RO60: variants seen among roughly 807,000 people sequenced by gnomAD.
RO60 encodes RNA-binding protein RO60.
In RO60, 20 loss-of-function variants were observed where a neutral mutation model predicts 55.3. The ratio of observed to expected loss-of-function variants is 0.36; its 90% CI spans 0.25 to 0.53. RO60 has a LOEUF of 0.53. Among genes scored for constraint, RO60 ranks in the 20% least tolerant of loss-of-function variants. The pLI is 0.92. For synonymous variants in RO60, 213 were observed against 213.6 expected (o/e 1.00, Z 0.02); for missense variants, 558 against 646.6 (o/e 0.86, Z 1.49).
chr1:193,075,911 A>G lies in RO60; in HGVS notation c.672A>G (p.Lys224=), dbSNP rs1374755855. Residue 224 remains lysine (K), a synonymous_variant, in exon 3 of 9, where the codon AAA becomes AAG. Transcript: ENST00000400968. ...KEKALSVETE[K]LLKYLEAVEK... The stretch of plus-strand genomic sequence containing the variant: ...AAGCACTCTCTGTGGAGACTGAAAA[A>G]TTATTAAAGTATCTGGAGGCTGTAG... 6.2e-7 allele frequency: 1 copy of G among 1,613,434 alleles called. No individual in the cohort carries two copies. Among genetic ancestry groups the G allele is most frequent in the Non-Finnish European group, 8.5e-7 (1 of 1,179,588 alleles).
At chr1:193,091,397 G>T (rs1054548161), downstream of RO60, 4 of 346,096 alleles carry the variant, frequency 1.2e-5, no homozygotes, top group Non-Finnish European at 2.1e-5. Context: ...TTAAAGTTAT[G>T]TAAAATCTGA....
In RO60 at chr1:193,085,594, T is replaced by G. The variant is rs1674592127; in HGVS notation, c.*863T>G. On this transcript the variant is annotated 3_prime_UTR_variant, in exon 9 of 9. Coordinates refer to ENST00000400968, the MANE Select transcript of RO60 (RefSeq NM_001173524.2). The stretch of plus-strand genomic sequence containing the variant: ...AATAATATAAAATGTTTCAAGCGCT[T>G]AACTCCCCCTCATTCACAAAGTATA... 1 of 984,366 alleles carries G rather than the reference T, an allele frequency of 1.0e-6. No homozygotes were observed. The highest frequency in any genetic ancestry group is 6.2e-5 in the Admixed American group (1 of 16,244). The allele number at this position is 984,366 out of a possible 1,614,324, so 61.0% of individuals were successfully genotyped here.
At chr1:193,064,201 A>G (rs902478415) in intron 1 of RO60, among the ~76,000 whole-genome samples, 5 of 152,228 alleles carry the variant, frequency 3.3e-5, no homozygotes, top group Non-Finnish European at 5.9e-5. Context: ...TCACATGGGC[A>G]TGATTGATTA....
At position 193,073,681 on chromosome 1, in the gene RO60, C is replaced by G. The variant is rs970179845; in HGVS notation, c.581-2139C>G. ...CTCTGCCTCCTCAGTTCAAGTGATT[C>G]TCCTGCCTCAGCCTCCTGAGTAGCT... On this transcript the variant is annotated intron_variant, in intron 2 of 8. Transcript: ENST00000400968. Among the ~76,000 whole-genome samples the G allele has an allele frequency of 3.3e-5, 5 of 152,196 alleles. No individual in the cohort carries two copies. The South Asian group carries it at 6.2e-4, about 19-fold the overall frequency.
chr1:193,069,589 C>A lies in RO60; in HGVS notation c.535C>A (p.His179Asn). 1 of 1,614,024 alleles carries A rather than the reference C, an allele frequency of 6.2e-7. No homozygotes were observed. The highest frequency in any genetic ancestry group is 1.3e-5 in the African/African-American group (1 of 75,010). ...TKYKQRNGWSHKDLLRLSHLK... is the reference protein window; with the variant it reads ...TKYKQRNGWSNKDLLRLSHLK... ...ATATAAACAGAGAAATGGCTGGTCT[C>A]ACAAAGATCTATTAAGATTGTCACA... Residue 179 changes from histidine (H) to asparagine (N), a missense_variant, in exon 2 of 9, where the codon CAC (histidine) becomes AAC (asparagine). His to Asn is a moderately conservative substitution (Grantham distance 68, BLOSUM62 1). Transcript: ENST00000400968.
rs1055010419 is a variant in RO60, at chr1:193,090,391, T to G, written c.*5660T>G. On this transcript the variant is annotated 3_prime_UTR_variant, in exon 9 of 9. Transcript: ENST00000400968. ...CCAAATTAGATTTAAAATATACAAT[T>G]AATGAATAGTACTCAAAGTGTTTTT... The G allele has an allele frequency of 1.4e-4, 21 of 151,844 alleles. No homozygotes were observed. The highest frequency in any genetic ancestry group is 5.3e-4 in the Admixed American group (8 of 15,190). 9.4% of individuals were successfully genotyped at this position (151,844 alleles called of 1,614,324 possible). A position where few individuals can be genotyped will look rare whatever the true frequency, so the allele number is the denominator to read the frequency against.
intron 1 of RO60, chr1:193,060,196 A>T: frequency 1.0e-6 from 1 of 974,138 alleles, no homozygotes; most frequent in Non-Finnish European, 1.3e-6. Context: ...AATTTATCAC[A>T]GAGGAATAAC....
rs775236248 is a variant in RO60 at position 193,076,554 on chromosome 1, A to G, written c.855A>G (p.Leu285=). 8.7e-6 allele frequency: 14 copies of G among 1,612,692 alleles called. No individual in the cohort carries two copies. Among genetic ancestry groups the G allele is most frequent in the African/African-American group, 1.3e-5 (1 of 74,868 alleles). The change falls in exon 4 of 9, where the codon CTA becomes CTG. Residue 285 remains leucine (L), a synonymous_variant. Transcript: ENST00000400968. Reference sequence around the variant, plus strand: ...CGCTTACTGCATTACTAAGGAATCTAGGAAAGATGACTGCTAATTCAGTAC... The same window carrying G: ...CGCTTACTGCATTACTAAGGAATCTGGGAAAGATGACTGCTAATTCAGTAC... The part of the protein sequence containing the change: ...EMPLTALLRN[L]GKMTANSVLE...
Position 193,086,129 on chromosome 1 carries a change from C to A in RO60, c.*1398C>A. ...TCTCGCTGTTATGTGAAAAGTCAAA[C>A]TGTAGTTAATGTAAATTATAGCCTT... is the stretch of plus-strand genomic sequence containing the variant. On this transcript the variant is annotated 3_prime_UTR_variant, in exon 9 of 9. Coordinates refer to ENST00000400968, the MANE Select transcript of RO60 (RefSeq NM_001173524.2). 1.3e-6 allele frequency: 1 copy of A among 759,494 alleles called. No individual in the cohort carries two copies. The highest frequency in any genetic ancestry group is 1.6e-6 in the Non-Finnish European group (1 of 624,330). 47.0% of individuals were successfully genotyped at this position (759,494 alleles called of 1,614,324 possible).
rs527734548 is a variant in RO60 at position 193,089,954 on chromosome 1, C to T, written c.*5223C>T. On this transcript the variant is annotated 3_prime_UTR_variant, in exon 9 of 9. Coordinates refer to ENST00000400968, the MANE Select transcript of RO60 (RefSeq NM_001173524.2). ...CCAAGTAGCTGGGATTACAGGCACGCGCCACCACGCCCACCTAATTTTTGT... is the reference window on the plus strand; with the variant it reads ...CCAAGTAGCTGGGATTACAGGCACGTGCCACCACGCCCACCTAATTTTTGT... 105 of 152,124 alleles carry T rather than the reference C, an allele frequency of 6.9e-4. No homozygotes were observed. The highest frequency in any genetic ancestry group is 1.1e-3 in the Non-Finnish European group (72 of 68,046). The allele number at this position is 152,124 out of a possible 1,614,324, so 9.4% of individuals were successfully genotyped here. A position where few individuals can be genotyped will look rare whatever the true frequency, so the allele number is the denominator to read the frequency against.
intron 1 of RO60, among the ~76,000 whole-genome samples, chr1:193,063,156 G>A (rs531646668): frequency 2.6e-5 from 4 of 152,238 alleles, no homozygotes; most frequent in East Asian, 1.9e-4. Flanking sequence ...GTATATGAGC[G>A]TTTCATTTTC....
intron 2 of RO60, among the ~76,000 whole-genome samples, chr1:193,072,576 GT>G (rs1329272935): frequency 6.6e-6 from 1 of 151,614 alleles, no homozygotes; most frequent in Non-Finnish European, 1.5e-5. Flanking sequence ...TTTATCTGTG[GT>G]TTTTTCCTAA....
In RO60 at chr1:193,076,995, G is replaced by C. The variant is rs754341071; in HGVS notation, c.1031G>C (p.Arg344Pro). The C allele has an allele frequency of 1.2e-6, 2 of 1,612,738 alleles. No individual in the cohort carries two copies. Among genetic ancestry groups the C allele is most frequent in the African/African-American group, 2.7e-5 (2 of 74,848 alleles). Residue 344 changes from arginine to proline, a missense_variant, in exon 5 of 9, where the codon CGC (arginine) becomes CCC (proline). By Grantham distance (103) the Arg-to-Pro change is moderately radical (BLOSUM62 -2). Transcript: ENST00000400968. ...GHGLRGKLKW[R>P]PDEEILKALD... Reference sequence around the variant, plus strand: ...GGTCTCAGAGGGAAACTGAAGTGGCGCCCTGATGAAGAAATTTTGAAAGCA... The same window carrying C: ...GGTCTCAGAGGGAAACTGAAGTGGCCCCCTGATGAAGAAATTTTGAAAGCA...
At chr1:193,083,813 A>G (rs1572106647) in intron 8 of RO60, among the ~76,000 whole-genome samples, 1 of 152,100 alleles carries the variant, frequency 6.6e-6, no homozygotes, top group African/African-American at 2.4e-5. Context: ...TGGTGCTATC[A>G]TAGCTTACTG....
chr1:193,082,649 G>A lies in RO60; in HGVS notation c.1405G>A (p.Asp469Asn), dbSNP rs1674392518. The A allele has an allele frequency of 6.2e-7, 1 of 1,613,868 alleles. No homozygotes were observed. The highest frequency in any genetic ancestry group is 8.5e-7 in the Non-Finnish European group (1 of 1,179,874). Residue 469 changes from aspartate to asparagine, a missense_variant, in exon 8 of 9, where the codon GAT becomes AAT. Physicochemically the swap from Asp to Asn is conservative, Grantham distance 23. Coordinates refer to ENST00000400968, the MANE Select transcript of RO60 (RefSeq NM_001173524.2). ...TGCTGATGTCTTCATTGTATTCACT[G>A]ATAATGAGACCTTTGCTGGAGGTGT... ...TPADVFIVFTDNETFAGGVHP... is the reference protein window; with the variant it reads ...TPADVFIVFTNNETFAGGVHP...
intron 1 of RO60, among the ~76,000 whole-genome samples, chr1:193,066,608 T>C (rs1025917809): frequency 3.3e-5 from 5 of 152,224 alleles, no homozygotes; most frequent in African/African-American, 1.2e-4. Context: ...TCTTCAACTC[T>C]GTGCACCTCC....
intron 1 of RO60, among the ~76,000 whole-genome samples, chr1:193,061,695 C>T (rs1319606893): frequency 1.3e-5 from 2 of 152,186 alleles, no homozygotes; most frequent in African/African-American, 2.4e-5. Flanking sequence ...TAATATGCGG[C>T]CATGCTTGGC....
rs1346369381 is a variant in RO60 at position 193,089,294 on chromosome 1, T to C, written c.*4563T>C. ...ATAGCAGGTGTCTCAATGCTTTTTTTCCATAATTATAAAGACCATTGTCAA... is the reference window on the plus strand; with the variant it reads ...ATAGCAGGTGTCTCAATGCTTTTTTCCCATAATTATAAAGACCATTGTCAA... On this transcript the variant is annotated 3_prime_UTR_variant, in exon 9 of 9. Transcript: ENST00000400968. 6.6e-6 allele frequency: 1 copy of C among 152,148 alleles called. No homozygotes were observed. The highest frequency in any genetic ancestry group is 1.9e-4 in the East Asian group (1 of 5,200). The allele number at this position is 152,148 out of a possible 1,614,324, so 9.4% of individuals were successfully genotyped here. A position where few individuals can be genotyped will look rare whatever the true frequency, so the allele number is the denominator to read the frequency against.
At chr1:193,066,025 C>G (rs944348348) in intron 1 of RO60, among the ~76,000 whole-genome samples, 1 of 152,196 alleles carries the variant, frequency 6.6e-6, no homozygotes, top group Admixed American at 6.5e-5. Flanking sequence ...TCTCCACATA[C>G]CATTTGGCAT....
Sources: gnomAD v4.1 joint callset for allele counts (sites outside exome capture counted in the v4.1 genomes callset) on GRCh38, gnomAD v4.1.1 for gene constraint, MANE v1.5 for transcripts, NCBI Gene and HGNC (gene_info 2026-07-23, HGNC 2026-07-21) for gene names.